The following FNDC3B variants were observed in gnomAD, a reference collection of about 807,000 sequenced individuals.
FNDC3B encodes the protein fibronectin type III domain containing 3B.
Under a neutral mutation model 151.5 loss-of-function variants are expected in FNDC3B, and 12 were observed. That is an observed-to-expected ratio of 0.08 (90% confidence interval 0.05 to 0.13). FNDC3B has a LOEUF of 0.13. Among genes scored for constraint, FNDC3B ranks in the 10% least tolerant of loss-of-function variants. FNDC3B has a pLI of 1.00. For synonymous variants in FNDC3B, 528 were observed against 549.0 expected, an observed-to-expected ratio of 0.96 and a Z score of 0.54; for missense variants, 1,214 against 1,505.3, an observed-to-expected ratio of 0.81 and a Z score of 3.20.
chr3:172,266,048 G>A (rs2108796918), intron 6 of FNDC3B, among the ~76,000 whole-genome samples: 1 of 152,238 alleles, frequency 6.6e-6, no homozygotes. Context: ...CTCAATTTGA[G>A]GTAATACCAT....
chr3:172,323,574 G>A (rs947789762), intron 11 of FNDC3B, among the ~76,000 whole-genome samples: 1 of 152,130 alleles, frequency 6.6e-6, no homozygotes, highest in Non-Finnish European at 1.5e-5. Flanking sequence ...CCCTTGTGGG[G>A]GGAAAAAGAA....
intron 23 of FNDC3B, among the ~76,000 whole-genome samples, chr3:172,371,584 C>A (rs1300869974): frequency 6.6e-6 from 1 of 152,238 alleles, no homozygotes; most frequent in African/African-American, 2.4e-5. Flanking sequence ...CCCACCCAAC[C>A]TTCTAACCAG....
chr3:172,078,925 A>G (rs1476047457), intron 1 of FNDC3B, among the ~76,000 whole-genome samples: 1 of 152,200 alleles, frequency 6.6e-6, no homozygotes, highest in Non-Finnish European at 1.5e-5. Context: ...TGTTTACTAC[A>G]CGATCTGTTG....
rs746533100 is a variant in FNDC3B at position 172,247,573 on chromosome 3, C to T, written c.305C>T (p.Thr102Ile). Reference protein sequence around the residue: ...DSTGVRRVVVTPQSPECYPPS... With the variant: ...DSTGVRRVVVIPQSPECYPPS... ...ACTGGAGTCCGCCGGGTGGTGGTCA[C>T]ACCCCAGTCTCCTGAGTGTTATCCC... The change falls in exon 5 of 26, where the codon ACA becomes ATA. Residue 102 changes from threonine to isoleucine, a missense_variant. By Grantham distance (89) the Thr-to-Ile change is moderately conservative. Transcript: ENST00000415807. The T allele has an allele frequency of 6.2e-7, 1 of 1,614,064 alleles. No homozygotes were observed. The highest frequency in any genetic ancestry group is 8.5e-7 in the Non-Finnish European group (1 of 1,179,952).
intron 3 of FNDC3B, among the ~76,000 whole-genome samples, chr3:172,158,871 C>T (rs1386552232): frequency 1.3e-5 from 2 of 152,210 alleles, no homozygotes; most frequent in African/African-American, 4.8e-5. Context: ...TCCCTCCCCT[C>T]TTCCTCTCCC....
rs141171934 is a variant in FNDC3B at position 172,330,458 on chromosome 3, T to C, written c.1380-83T>C. The stretch of plus-strand genomic sequence containing the variant: ...CTACCTGCTAGGCTGAGTTGGGTAG[T>C]GTGCAGGCTGAGCCTTCCTCTTTTA... On this transcript the variant is annotated intron_variant, in intron 12 of 25. Transcript: ENST00000415807. 1,359 of 1,223,094 alleles carry C rather than the reference T, an allele frequency of 1.1e-3. 2 individuals are homozygous for C. Among genetic ancestry groups the C allele is most frequent in the Non-Finnish European group, 1.4e-3 (1,219 of 865,104 alleles). 75.8% of individuals were successfully genotyped at this position (1,223,094 alleles called of 1,614,324 possible). A position where few individuals can be genotyped will look rare whatever the true frequency, so the allele number is the denominator to read the frequency against.
At chr3:172,358,755 G>A (rs1734217169) in intron 22 of FNDC3B, among the ~76,000 whole-genome samples, 1 of 152,148 alleles carries the variant, frequency 6.6e-6, no homozygotes, top group Non-Finnish European at 1.5e-5. Context: ...ATTAAAAATT[G>A]GAAAGTGCTT....
At chr3:172,259,384 T>A (rs1482948413) in intron 6 of FNDC3B, among the ~76,000 whole-genome samples, 1 of 152,230 alleles carries the variant, frequency 6.6e-6, no homozygotes, top group Non-Finnish European at 1.5e-5. Context: ...TGCTTAGTTA[T>A]AGAGGCCTCT....
intron 18 of FNDC3B, among the ~76,000 whole-genome samples, 192 bp from the exon 19 acceptor site, chr3:172,343,894 A>G (rs868720847): frequency 2.0e-4 from 31 of 152,272 alleles, no homozygotes; most frequent in African/African-American, 7.5e-4. Flanking sequence ...CCCGCTTTGG[A>G]GAGTATGGAT....
Position 172,040,292 on chromosome 3 carries a change from G to C in FNDC3B, c.-29+521G>C, listed in dbSNP as rs994060132. ...AGGGAAGAGGGCGGGAGTGCGAAGTGGGGCTGGAAGTTGGGGCCGCCTCTC... is the reference window on the plus strand; with the variant it reads ...AGGGAAGAGGGCGGGAGTGCGAAGTCGGGCTGGAAGTTGGGGCCGCCTCTC... On this transcript the variant is annotated intron_variant, in intron 1 of 25. Transcript: ENST00000415807. This position sits in a 1 kb window ranked among gnomAD's most constrained non-coding sequence, Gnocchi z 6.6. 1.3e-5 allele frequency among the ~76,000 whole-genome samples: 2 copies of C among 152,036 alleles called. No individual in the cohort carries two copies. Among genetic ancestry groups the C allele is most frequent in the African/African-American group, 4.8e-5 (2 of 41,406 alleles).
intron 3 of FNDC3B, among the ~76,000 whole-genome samples, chr3:172,181,406 A>C (rs966855160): frequency 2.1e-5 from 3 of 144,532 alleles, no homozygotes; most frequent in South Asian, 2.4e-4. Context: ...AAAAAAAAAA[A>C]AAAAAAAACA....
At chr3:172,371,663 A>G (rs528698917) in intron 23 of FNDC3B, among the ~76,000 whole-genome samples, 1 of 152,264 alleles carries the variant, frequency 6.6e-6, no homozygotes, top group African/African-American at 2.4e-5. Flanking sequence ...TCTTCTCTCT[A>G]AGTAAAAATG....
At chr3:172,278,656 G>T (rs1729552885) in intron 6 of FNDC3B, among the ~76,000 whole-genome samples, 1 of 152,154 alleles carries the variant, frequency 6.6e-6, no homozygotes, top group Non-Finnish European at 1.5e-5. Flanking sequence ...GCCGGGTGTG[G>T]TGGCTCACGC....
intron 3 of FNDC3B, among the ~76,000 whole-genome samples, chr3:172,215,053 A>G (rs1444575643): frequency 6.6e-6 from 1 of 152,272 alleles, no homozygotes; most frequent in Non-Finnish European, 1.5e-5. Context: ...CATTTGTAAC[A>G]GATGAATAAT....
At chr3:172,282,393 G>A (rs755723201) in intron 6 of FNDC3B, among the ~76,000 whole-genome samples, 2 of 152,050 alleles carry the variant, frequency 1.3e-5, no homozygotes, top group African/African-American at 4.8e-5. Context: ...TTGGTACCAC[G>A]TTTCTCCTAA....
At chr3:172,268,345 C>T (rs1389655661) in intron 6 of FNDC3B, among the ~76,000 whole-genome samples, 1 of 152,058 alleles carries the variant, frequency 6.6e-6, no homozygotes, top group African/African-American at 2.4e-5. Flanking sequence ...ATTAGAGTTA[C>T]AAAGAGTTCT....
intron 24 of FNDC3B, among the ~76,000 whole-genome samples, 155 bp downstream of exon 24, chr3:172,378,591 G>C (rs939937988): frequency 6.6e-5 from 10 of 152,126 alleles, no homozygotes; most frequent in Admixed American, 2.6e-4. Flanking sequence ...GGGTTGTCTG[G>C]GGGAAATGAG....
intron 25 of FNDC3B, among the ~76,000 whole-genome samples, chr3:172,381,953 T>C (rs1022333232): frequency 3.3e-5 from 5 of 152,206 alleles, no homozygotes; most frequent in East Asian, 1.9e-4. Context: ...GTCTTTATAG[T>C]AGAAGGATTT....
intron 1 of FNDC3B, among the ~76,000 whole-genome samples, chr3:172,080,688 G>A (rs775381648): frequency 3.9e-5 from 6 of 152,128 alleles, no homozygotes; most frequent in Non-Finnish European, 7.4e-5. Context: ...TAATCTGGTG[G>A]TGGTAGACTG....
Sources: allele counts gnomAD v4.1 joint callset (sites outside exome capture counted in the v4.1 genomes callset), GRCh38; gene constraint gnomAD v4.1.1; non-coding constraint Gnocchi (gnomAD v3.1); transcripts MANE v1.5; gene names NCBI Gene and HGNC (gene_info 2026-07-23, HGNC 2026-07-21).